SMG1: variants seen among roughly 807,000 people sequenced by gnomAD.
SMG1 encodes the protein serine/threonine-protein kinase SMG1.
In SMG1, 22 loss-of-function variants were observed where a neutral mutation model predicts 419.9. The ratio of observed to expected loss-of-function variants is 0.05; its 90% confidence interval spans 0.04 to 0.07. SMG1 has a LOEUF of 0.07. Ranked by LOEUF, SMG1 falls within the 10% of genes least tolerant of loss-of-function variation. SMG1 has a pLI of 1.00. For synonymous variants in SMG1, 1,538 were observed against 1,553.5 expected (o/e 0.99, Z 0.23); for missense variants, 3,185 against 4,342.0 (o/e 0.73, Z 7.49).
In SMG1 at chr16:18,896,932, T is replaced by C. The variant is rs1262281927; in HGVS notation, c.117A>G (p.Pro39=). 6.3e-7 allele frequency: 1 copy of C among 1,578,402 alleles called. No homozygotes were observed. The highest frequency in any genetic ancestry group is 1.3e-5 in the African/African-American group (1 of 74,248). The change falls in exon 2 of 63, where the codon CCA becomes CCG. Residue 39 remains proline (P), a synonymous_variant. Coordinates refer to ENST00000446231, the MANE Select transcript of SMG1 (RefSeq NM_015092.5). ...QPRTDSASAD[P]DNLKYSSSRD... ...TGGATGAAGAATATTTTAAATTATCTGGGTCGGCTGATGCACTATCAGTTC... is the reference window on the plus strand; with the variant it reads ...TGGATGAAGAATATTTTAAATTATCCGGGTCGGCTGATGCACTATCAGTTC...
Position 18,904,764 on chromosome 16 carries a change from G to A in SMG1, c.93-7808C>T, listed in dbSNP as rs569070039. On this transcript the variant is annotated intron_variant, in intron 1 of 62. Transcript: ENST00000446231. ...AGCCTCGCCAATGTAGTGAAACCCC[G>A]TCTCAACTAAAAATACAAATATCAG... Among the ~76,000 whole-genome samples, 7 of 151,700 alleles carry A rather than the reference G, an allele frequency of 4.6e-5. No homozygotes were observed. In the South Asian group the frequency reaches 6.2e-4, roughly 14 times the overall value.
chr16:18,831,782 T>TAC (rs1286346885), intron 51 of SMG1, among the ~76,000 whole-genome samples: 4 of 146,434 alleles, frequency 2.7e-5, no homozygotes, highest in Admixed American at 1.4e-4. Flanking sequence ...TACATATATA[T>TAC]ATATATATAC....
rs1245651086 is a variant in SMG1 at position 18,829,346 on chromosome 16, G to T, written c.9543C>A (p.Thr3181=). Residue 3181 remains threonine, a synonymous_variant, in exon 54 of 63, where the codon ACC becomes ACA. Transcript: ENST00000446231. ...KKHDLVRRLE[T]SISSCKTSLQ... is the part of the protein sequence containing the mutation. ...GGCTTGTCTTACAAGAAGAAATACT[G>T]GTTTCTAGCCTTCGCACCAAGTCAT... 2 of 1,613,866 alleles carry T rather than the reference G, an allele frequency of 1.2e-6. No homozygotes were observed. Among genetic ancestry groups the T allele is most frequent in the African/African-American group, 2.7e-5 (2 of 74,938 alleles).
chr16:18,914,847 T>A (rs1451947092), intron 1 of SMG1, among the ~76,000 whole-genome samples: 1 of 152,058 alleles, frequency 6.6e-6, no homozygotes, highest in Non-Finnish European at 1.5e-5. Flanking sequence ...ACAGATACAA[T>A]AGACCCAAGA....
intron 37 of SMG1, 53 bp from the exon 38 acceptor site, chr16:18,847,660 G>A: frequency 1.9e-6 from 3 of 1,608,240 alleles, no homozygotes; most frequent in Non-Finnish European, 2.6e-6. Flanking sequence ...GCACAGCACA[G>A]CTCTTCAAAC....
At chr16:18,883,393 G>C (rs1250549856) in intron 9 of SMG1, among the ~76,000 whole-genome samples, 2 of 152,244 alleles carry the variant, frequency 1.3e-5, no homozygotes, top group South Asian at 2.1e-4. Context: ...ACATATGTAA[G>C]AGGAAAATCT....
At chr16:18,832,812 T>G (rs959428143) in intron 51 of SMG1, 128 bp downstream of exon 51, 1 of 780,224 alleles carries the variant, frequency 1.3e-6, no homozygotes, top group African/African-American at 1.7e-5. Flanking sequence ...GATACGTGTA[T>G]GAGCATTTAT....
At chr16:18,883,451 T>C (rs2036487388) in intron 9 of SMG1, among the ~76,000 whole-genome samples, 1 of 152,206 alleles carries the variant, frequency 6.6e-6, no homozygotes, top group Admixed American at 6.5e-5. Context: ...CACATCAATT[T>C]GCTTTAAGAC....
intron 1 of SMG1, among the ~76,000 whole-genome samples, chr16:18,899,688 T>C (rs1289594688): frequency 2.0e-5 from 3 of 152,012 alleles, no homozygotes; most frequent in South Asian, 2.1e-4. Context: ...AGCCACAAAA[T>C]AGAAACTGCA....
chr16:18,853,516 A>G (rs2034715907), intron 31 of SMG1, 67 bp downstream of exon 31: 1 of 1,334,814 alleles, frequency 7.5e-7, no homozygotes, highest in Non-Finnish European at 1.0e-6. Context: ...ATAACATTAT[A>G]AACTTTAAAA....
intron 1 of SMG1, among the ~76,000 whole-genome samples, chr16:18,918,989 T>C (rs2038083237): frequency 6.6e-6 from 1 of 152,100 alleles, no homozygotes; most frequent in East Asian, 1.9e-4. Flanking sequence ...TCTCCCATAA[T>C]AACTTATAGC....
In SMG1 at chr16:18,884,131, T is replaced by A; in HGVS notation, c.1058A>T (p.Asp353Val). The A allele has an allele frequency of 6.2e-7, 1 of 1,606,052 alleles. No homozygotes were observed. Among genetic ancestry groups the A allele is most frequent in the South Asian group, 1.1e-5 (1 of 90,244 alleles). The change falls in exon 9 of 63, where the codon GAT becomes GTT. Residue 353 changes from aspartate to valine, a missense_variant. Asp to Val is a radical substitution (Grantham distance 152). Coordinates refer to ENST00000446231, the MANE Select transcript of SMG1 (RefSeq NM_015092.5). Reference protein sequence around the residue: ...LQSLEPFWVADLAFSTTLLGQ... With the variant: ...LQSLEPFWVAVLAFSTTLLGQ... ...AAGAAGAGTAGTAGAAAATGCAAGA[T>A]CAGCTACCCAAAATGGCTCCAAACT... is the stretch of plus-strand genomic sequence containing the variant.
At chr16:18,850,760 T>C (rs541752275) in intron 33 of SMG1, among the ~76,000 whole-genome samples, 1 of 152,308 alleles carries the variant, frequency 6.6e-6, no homozygotes, top group African/African-American at 2.4e-5. Flanking sequence ...GCAGAAATTT[T>C]TTTTTCCTTG....
At chr16:18,901,216 T>C (rs1439951992) in intron 1 of SMG1, among the ~76,000 whole-genome samples, 1 of 152,150 alleles carries the variant, frequency 6.6e-6, no homozygotes, top group Non-Finnish European at 1.5e-5. Context: ...TAATTATCCA[T>C]TTATGGGTGA....
At chr16:18,818,044 G>A (rs2032171715) in intron 56 of SMG1, among the ~76,000 whole-genome samples, 1 of 150,270 alleles carries the variant, frequency 6.7e-6, no homozygotes, top group Non-Finnish European at 1.5e-5. Context: ...TAGTCTCCCA[G>A]CTGGGACCAG....
At chr16:18,834,841 G>C in intron 49 of SMG1, 51 bp downstream of exon 49, 1 of 1,560,290 alleles carries the variant, frequency 6.4e-7, no homozygotes, top group Non-Finnish European at 8.7e-7. Flanking sequence ...TTAGGTTTGG[G>C]ATTAAAAATA....
In SMG1 at chr16:18,902,521, G is replaced by A. The variant is rs564788124; in HGVS notation, c.93-5565C>T. The stretch of plus-strand genomic sequence containing the variant: ...AGTTTGAGACCAGCCTGGCAATATG[G>A]TGAAACTGTCTCTAAAAAATATAGA... On this transcript the variant is annotated intron_variant, in intron 1 of 62. Coordinates refer to ENST00000446231, the MANE Select transcript of SMG1 (RefSeq NM_015092.5). Among the ~76,000 whole-genome samples, 7 of 152,090 alleles carry A rather than the reference G, an allele frequency of 4.6e-5. No homozygotes were observed. The South Asian group carries it at 1.0e-3, about 23-fold the overall frequency.
intron 6 of SMG1, among the ~76,000 whole-genome samples, chr16:18,886,699 G>A (rs912286409): frequency 3.3e-5 from 5 of 152,108 alleles, no homozygotes; most frequent in Admixed American, 3.3e-4. Flanking sequence ...CTACTCAGGA[G>A]GCTGAAGCAA....
At position 18,852,319 on chromosome 16, in the gene SMG1, T is replaced by C. The variant is rs1596523435; in HGVS notation, c.4912A>G (p.Ser1638Gly). The change falls in exon 32 of 63, where the codon AGT becomes GGT. Residue 1638 changes from serine (S) to glycine (G), a missense_variant and splice_region_variant. Ser to Gly is a moderately conservative substitution (Grantham distance 56). Coordinates refer to ENST00000446231, the MANE Select transcript of SMG1 (RefSeq NM_015092.5). Reference protein sequence around the residue: ...RWGRKVVDNASQGEGVRLLPR... With the variant: ...RWGRKVVDNAGQGEGVRLLPR... ...AATAAACTACACATTTAAACATACC[T>C]GGCATTGTCAACCACCTTTCTGCCC... 10 of 1,609,128 alleles carry C rather than the reference T, an allele frequency of 6.2e-6. No homozygotes were observed. The highest frequency in any genetic ancestry group is 8.5e-6 in the Non-Finnish European group (10 of 1,178,468).
Sources: allele counts gnomAD v4.1 joint callset (sites outside exome capture counted in the v4.1 genomes callset), GRCh38; gene constraint gnomAD v4.1.1; transcripts MANE v1.5; gene names NCBI Gene and HGNC (gene_info 2026-07-23, HGNC 2026-07-21).